The following C2CD4C variants were observed in gnomAD, a reference collection of about 807,000 sequenced individuals.
The protein encoded by C2CD4C is C2 calcium dependent domain containing 4C, also known as C2 calcium-dependent domain-containing protein 4C.
Under a neutral mutation model 4.1 loss-of-function variants are expected in C2CD4C, and 3 were observed. The ratio of observed to expected loss-of-function variants is 0.73; its 90% confidence interval spans 0.33 to 1.88. The LOEUF (loss-of-function observed/expected upper bound fraction) is 1.88, where lower values mean the gene tolerates loss of function less well. Ranked by LOEUF, C2CD4C falls within the 40% of genes most tolerant of loss-of-function variation. The pLI is 0.08. For synonymous variants in C2CD4C, 364 were observed against 290.4 expected (o/e 1.25, Z -2.57); for missense variants, 664 against 621.5 (o/e 1.07, Z -0.73).
chr19:408,178 C>G lies in C2CD4C; in HGVS notation c.184G>C (p.Glu62Gln). 6.9e-7 allele frequency: 1 copy of G among 1,451,768 alleles called. No individual in the cohort carries two copies. Among genetic ancestry groups the G allele is most frequent in the South Asian group, 1.5e-5 (1 of 68,382 alleles). 89.9% of individuals were successfully genotyped at this position (1,451,768 alleles called of 1,614,324 possible). A position where few individuals can be genotyped will look rare whatever the true frequency, so the allele number is the denominator to read the frequency against. The change falls in exon 2 of 2, where the codon GAG becomes CAG. Residue 62 changes from glutamate to glutamine, a missense_variant. Glu to Gln is a conservative substitution (Grantham distance 29). Coordinates refer to ENST00000332235, the MANE Select transcript of C2CD4C (RefSeq NM_001136263.2). ...CCCAGCGCGGCCTGTCCCTCGCCCT[C>G]CGCGGGGCCCGAGGGCAGCTTGGGG... Reference protein sequence around the residue: ...IPPKLPSGPAEGEGQAALGPS... With the variant: ...IPPKLPSGPAQGEGQAALGPS...
chr19:407,542 G>T lies in C2CD4C; in HGVS notation c.820C>A (p.Pro274Thr). 2.9e-6 allele frequency: 4 copies of T among 1,391,522 alleles called. No homozygotes were observed. Among genetic ancestry groups the T allele is most frequent in the Non-Finnish European group, 3.7e-6 (4 of 1,073,760 alleles). 86.2% of individuals were successfully genotyped at this position (1,391,522 alleles called of 1,614,324 possible). The change falls in exon 2 of 2, where the codon CCC becomes ACC. Residue 274 changes from proline (P) to threonine (T), a missense_variant. Pro to Thr is a conservative substitution (Grantham distance 38, BLOSUM62 -1). Transcript: ENST00000332235. The part of the protein sequence containing the change: ...SADDSTPDAS[P>T]GSRRRLTRRA... ...CGGGTCAGGCGGCGCCGGCTCCCGG[G>T]GCTGGCGTCCGGGGTGCTGTCGTCC...
chr19:406,584 G>A lies in C2CD4C; in HGVS notation c.*512C>T, dbSNP rs558533874. 4 of 153,014 alleles carry A rather than the reference G, an allele frequency of 2.6e-5. No homozygotes were observed. Among genetic ancestry groups the A allele is most frequent in the African/African-American group, 9.6e-5 (4 of 41,584 alleles). The allele number at this position is 153,014 out of a possible 1,614,324, so 9.5% of individuals were successfully genotyped here. ...GCGTCCCGGGCAGAGCCTGGGCCTG[G>A]TGTGGCCGCGAGGCCCTGCTCTCCG... On this transcript the variant is annotated 3_prime_UTR_variant, in exon 2 of 2. Transcript: ENST00000332235.
chr19:407,979 G>A lies in C2CD4C; in HGVS notation c.383C>T (p.Ala128Val). 1 of 1,549,092 alleles carries A rather than the reference G, an allele frequency of 6.5e-7. No homozygotes were observed. The highest frequency in any genetic ancestry group is 8.7e-7 in the Non-Finnish European group (1 of 1,146,514). Residue 128 changes from alanine (A) to valine (V), a missense_variant, in exon 2 of 2, where the codon GCC (alanine) becomes GTC (valine). Transcript: ENST00000332235. ...EDWLSEEATD[A>V]DPQAQGAMSL... ...CATGGCACCCTGGGCCTGGGGGTCGGCGTCAGTGGCCTCCTCGGACAGCCA... is the reference window on the plus strand; with the variant it reads ...CATGGCACCCTGGGCCTGGGGGTCGACGTCAGTGGCCTCCTCGGACAGCCA...
chr19:406,983 C>CCCCCCCCCCCCCCCCCCCCCCCAA lies in C2CD4C; in HGVS notation c.*112_*113insTTGGGGGGGGGGGGGGGGGGGGGG. On this transcript the variant is annotated 3_prime_UTR_variant, in exon 2 of 2. Coordinates refer to ENST00000332235, the MANE Select transcript of C2CD4C (RefSeq NM_001136263.2). ...GCCCAGCCCAGCCTGAGTGTGAGCC[C>CCCCCCCCCCCCCCCCCCCCCCCAA]CTCCCCGGCCAGCCCCAGCCCAAGC... 1 of 658,476 alleles carries CCCCCCCCCCCCCCCCCCCCCCCAA rather than the reference C, an allele frequency of 1.5e-6. No homozygotes were observed. The highest frequency in any genetic ancestry group is 2.4e-6 in the Non-Finnish European group (1 of 415,874). The allele number at this position is 658,476 out of a possible 1,614,324, so 40.8% of individuals were successfully genotyped here. A position where few individuals can be genotyped will look rare whatever the true frequency, so the allele number is the denominator to read the frequency against.
Position 407,531 on chromosome 19 carries a change from C to T in C2CD4C, c.831G>A (p.Arg277=), listed in dbSNP as rs1974010865. 3 of 1,385,632 alleles carry T rather than the reference C, an allele frequency of 2.2e-6. No individual in the cohort carries two copies. The African/African-American group carries it at 4.6e-5, about 21-fold the overall frequency. 85.8% of individuals were successfully genotyped at this position (1,385,632 alleles called of 1,614,324 possible). A position where few individuals can be genotyped will look rare whatever the true frequency, so the allele number is the denominator to read the frequency against. The change falls in exon 2 of 2, where the codon CGG becomes CGA. Residue 277 remains arginine, a synonymous_variant. Transcript: ENST00000332235. ...DSTPDASPGS[R]RRLTRRAPPE... is the part of the protein sequence containing the mutation. ...GGGGTGCCCGGCGGGTCAGGCGGCG[C>T]CGGCTCCCGGGGCTGGCGTCCGGGG...
intron 1 of C2CD4C, among the ~76,000 whole-genome samples, 172 bp downstream of exon 1, chr19:408,834 C>T (rs1600258226): frequency 2.6e-5 from 4 of 152,170 alleles, no homozygotes; most frequent in Admixed American, 1.3e-4. Context: ...CTCCCTGGAC[C>T]GGAGGGCCAG....
Position 405,613 on chromosome 19 carries a change from A to T in C2CD4C, c.*1483T>A, listed in dbSNP as rs986746854. On this transcript the variant is annotated 3_prime_UTR_variant, in exon 2 of 2. Transcript: ENST00000332235. ...AGAACAGGGCCTGGGAGGGGTGAGCATCAGAGAAGGCGGGGAGCGCCGGCG... is the reference window on the plus strand; with the variant it reads ...AGAACAGGGCCTGGGAGGGGTGAGCTTCAGAGAAGGCGGGGAGCGCCGGCG... 1 of 152,126 alleles carries T rather than the reference A, an allele frequency of 6.6e-6. No homozygotes were observed. Among genetic ancestry groups the T allele is most frequent in the Non-Finnish European group, 1.5e-5 (1 of 68,022 alleles). 9.4% of individuals were successfully genotyped at this position (152,126 alleles called of 1,614,324 possible). A position where few individuals can be genotyped will look rare whatever the true frequency, so the allele number is the denominator to read the frequency against.
In C2CD4C at chr19:408,095, G is replaced by A. The variant is rs1974024300; in HGVS notation, c.267C>T (p.Ser89=). ...ASAAPRQTPR[S]PRLPAKLAAE... Reference sequence around the variant, plus strand: ...CTGCCAGCTTGGCAGGCAGCCGGGGGCTCCGTGGGGTCTGGCGGGGGGCCG... The same window carrying A: ...CTGCCAGCTTGGCAGGCAGCCGGGGACTCCGTGGGGTCTGGCGGGGGGCCG... Residue 89 remains serine (S), a synonymous_variant, in exon 2 of 2, where the codon AGC becomes AGT. Transcript: ENST00000332235. The A allele has an allele frequency of 6.7e-7, 1 of 1,490,260 alleles. No homozygotes were observed. The highest frequency in any genetic ancestry group is 8.9e-7 in the Non-Finnish European group (1 of 1,122,648). The allele number at this position is 1,490,260 out of a possible 1,614,324, so 92.3% of individuals were successfully genotyped here. A position where few individuals can be genotyped will look rare whatever the true frequency, so the allele number is the denominator to read the frequency against.
At chr19:408,496 C>CG in intron 1 of C2CD4C, 95 bp from the exon 2 acceptor site, 3 of 223,254 alleles carry the variant, frequency 1.3e-5, no homozygotes, top group Non-Finnish European at 2.7e-5. Flanking sequence ...AGGGCCCTGC[C>CG]GGCGGGGTGG....
Position 407,819 on chromosome 19 carries a change from G to A in C2CD4C, c.543C>T (p.Ala181=), listed in dbSNP as rs763016255. The change falls in exon 2 of 2, where the codon GCC becomes GCT. Residue 181 remains alanine, a synonymous_variant. Coordinates refer to ENST00000332235, the MANE Select transcript of C2CD4C (RefSeq NM_001136263.2). Reference sequence around the variant, plus strand: ...CCTTGGCAGCTGCCCGGCGGCGCCCGGCCCCTGGGGAGCCCACCTGGGCCA... The same window carrying A: ...CCTTGGCAGCTGCCCGGCGGCGCCCAGCCCCTGGGGAGCCCACCTGGGCCA... The part of the protein sequence containing the change: ...GALAQVGSPG[A]GRRRAAAKAN... The A allele has an allele frequency of 4.9e-5, 75 of 1,538,366 alleles. No individual in the cohort carries two copies. The highest frequency in any genetic ancestry group is 6.0e-5 in the Non-Finnish European group (69 of 1,141,616).
Position 408,380 on chromosome 19 carries a change from G to GC in C2CD4C, c.-20dup. On this transcript the variant is annotated 5_prime_UTR_variant, in exon 2 of 2. Coordinates refer to ENST00000332235, the MANE Select transcript of C2CD4C (RefSeq NM_001136263.2). The stretch of plus-strand genomic sequence containing the variant: ...TTCTCATGGGGGCGGCAGGCAAGAG[G>GC]CCCGGACAGGGGCTGCAGCGTCTGG... The GC allele has an allele frequency of 6.5e-7, 1 of 1,542,000 alleles. No individual in the cohort carries two copies.
chr19:408,455 T>G (rs1288275464), intron 1 of C2CD4C, 54 bp from the exon 2 acceptor site: 79 of 636,688 alleles, frequency 1.2e-4, no homozygotes, highest in South Asian at 1.5e-4. Context: ...CAGAGGGCCC[T>G]GGGCACCTGC....
rs770961345 is a variant in C2CD4C, at chr19:405,722, G to C, written c.*1374C>G. On this transcript the variant is annotated 3_prime_UTR_variant, in exon 2 of 2. Transcript: ENST00000332235. ...GTGCCCTGGCTTCCGGGAGAGAGCG[G>C]AGCCCTGCAACACCAGGCTCAGAAG... is the stretch of plus-strand genomic sequence containing the variant. 2.0e-5 allele frequency: 3 copies of C among 152,170 alleles called. No homozygotes were observed. The highest frequency in any genetic ancestry group is 4.4e-5 in the Non-Finnish European group (3 of 68,040). 9.4% of individuals were successfully genotyped at this position (152,170 alleles called of 1,614,324 possible).
Position 407,092 on chromosome 19 carries a change from C to T in C2CD4C, c.*4G>A, listed in dbSNP as rs1336844826. The T allele has an allele frequency of 2.6e-6, 4 of 1,544,134 alleles. No homozygotes were observed. Among genetic ancestry groups the T allele is most frequent in the African/African-American group, 2.7e-5 (2 of 73,048 alleles). ...CCCGAGCGGACAGCGAGCAGGTCCC[C>T]GCTCTACAGGAAGGGGAGCAGGGAG... is the stretch of plus-strand genomic sequence containing the variant. On this transcript the variant is annotated 3_prime_UTR_variant, in exon 2 of 2. Coordinates refer to ENST00000332235, the MANE Select transcript of C2CD4C (RefSeq NM_001136263.2).
In C2CD4C at chr19:407,196, GCCAGTTT is replaced by G. The variant is rs1447988054; in HGVS notation, c.1159_1165del (p.Lys387ProfsTer7). The stretch of plus-strand genomic sequence containing the variant: ...CTTGTTCACCACCTTGATCCTGAGG[GCCAGTTT>G]CCGGACGCTGGCGGGCCCCAGGCCG... On this transcript the variant is annotated frameshift_variant, in exon 2 of 2. Coordinates refer to ENST00000332235, the MANE Select transcript of C2CD4C (RefSeq NM_001136263.2). LOFTEE classifies it high-confidence loss of function. 1 of 1,550,132 alleles carries G rather than the reference GCCAGTTT, an allele frequency of 6.5e-7. No homozygotes were observed. Among genetic ancestry groups the G allele is most frequent in the African/African-American group, 1.4e-5 (1 of 73,058 alleles).
chr19:407,593 C>A lies in C2CD4C; in HGVS notation c.769G>T (p.Val257Leu). The A allele has an allele frequency of 7.0e-7, 1 of 1,434,490 alleles. No individual in the cohort carries two copies. The highest frequency in any genetic ancestry group is 9.2e-7 in the Non-Finnish European group (1 of 1,092,548). The allele number at this position is 1,434,490 out of a possible 1,614,324, so 88.9% of individuals were successfully genotyped here. A position where few individuals can be genotyped will look rare whatever the true frequency, so the allele number is the denominator to read the frequency against. Residue 257 changes from valine to leucine, a missense_variant, in exon 2 of 2, where the codon GTG becomes TTG. Val to Leu is a conservative substitution (Grantham distance 32). Coordinates refer to ENST00000332235, the MANE Select transcript of C2CD4C (RefSeq NM_001136263.2). ...QAKVSQLRHS[V>L]GRHGSLSADD... ...GCAGACAGGGAGCCGTGGCGGCCCA[C>A]GGAGTGCCGGAGCTGGCTCACCTTG...
rs533023432 is a variant in C2CD4C, at chr19:407,526, C to A, written c.836G>T (p.Arg279Leu). ...TPDASPGSRR[R>L]LTRRAPPEPG... ...TTCCGGGGGTGCCCGGCGGGTCAGG[C>A]GGCGCCGGCTCCCGGGGCTGGCGTC... Residue 279 changes from arginine (R) to leucine (L), a missense_variant, in exon 2 of 2, where the codon CGC becomes CTC. By Grantham distance (102) the Arg-to-Leu change is moderately radical. Coordinates refer to ENST00000332235, the MANE Select transcript of C2CD4C (RefSeq NM_001136263.2). 13 of 1,384,274 alleles carry A rather than the reference C, an allele frequency of 9.4e-6. No homozygotes were observed. In the East Asian group the frequency reaches 1.5e-4, roughly 16 times the overall value. 85.7% of individuals were successfully genotyped at this position (1,384,274 alleles called of 1,614,324 possible).
In C2CD4C at chr19:407,587, G is replaced by A. The variant is rs1197639429; in HGVS notation, c.775C>T (p.Arg259Cys). Reference sequence around the variant, plus strand: ...TCGTCCGCAGACAGGGAGCCGTGGCGGCCCACGGAGTGCCGGAGCTGGCTC... The same window carrying A: ...TCGTCCGCAGACAGGGAGCCGTGGCAGCCCACGGAGTGCCGGAGCTGGCTC... ...KVSQLRHSVG[R>C]HGSLSADDST... The change falls in exon 2 of 2, where the codon CGC becomes TGC. Residue 259 changes from arginine (R) to cysteine (C), a missense_variant. Transcript: ENST00000332235. The A allele has an allele frequency of 8.4e-6, 12 of 1,429,570 alleles. No individual in the cohort carries two copies. Among genetic ancestry groups the A allele is most frequent in the African/African-American group, 1.5e-5 (1 of 66,204 alleles). 88.6% of individuals were successfully genotyped at this position (1,429,570 alleles called of 1,614,324 possible). A position where few individuals can be genotyped will look rare whatever the true frequency, so the allele number is the denominator to read the frequency against.
At position 407,182 on chromosome 19, in the gene C2CD4C, C is replaced by G. The variant is rs1311232851; in HGVS notation, c.1180G>C (p.Val394Leu). Residue 394 changes from valine (V) to leucine (L), a missense_variant, in exon 2 of 2, where the codon GTG (valine) becomes CTG (leucine). By Grantham distance (32) the Val-to-Leu change is conservative. Coordinates refer to ENST00000332235, the MANE Select transcript of C2CD4C (RefSeq NM_001136263.2). ...SVRKLALRIK[V>L]VNKGSSLKRD... ...TTGAGGCTGCTGCCCTTGTTCACCA[C>G]CTTGATCCTGAGGGCCAGTTTCCGG... 1.3e-6 allele frequency: 2 copies of G among 1,550,236 alleles called. No individual in the cohort carries two copies. Among genetic ancestry groups the G allele is most frequent in the Non-Finnish European group, 1.7e-6 (2 of 1,146,876 alleles).
Sources: allele counts gnomAD v4.1 joint callset (sites outside exome capture counted in the v4.1 genomes callset), GRCh38; gene constraint gnomAD v4.1.1; transcripts MANE v1.5; gene names NCBI Gene and HGNC (gene_info 2026-07-23, HGNC 2026-07-21).